Variants in PLCH2 observed in about 807,000 individuals in gnomAD.
PLCH2 encodes phospholipase C eta 2.
PLCH2 carries 98 observed loss-of-function variants against 134.7 expected under a neutral mutation model. The observed-to-expected ratio is 0.73, with a 90% CI of 0.62 to 0.86. The LOEUF is 0.86. Ranked by LOEUF, PLCH2 falls within the 40% of genes least tolerant of loss-of-function variation. PLCH2 has a pLI of 0.00. For missense variants in PLCH2, 1,994 were observed against 1,986.6 expected, an observed-to-expected ratio of 1.00 and a Z score of -0.07; for synonymous variants, 974 against 827.5, an observed-to-expected ratio of 1.18 and a Z score of -3.04.
chr1:2,475,686 G>A (rs115841256), upstream of PLCH2, among the ~76,000 whole-genome samples: 1,046 of 152,312 alleles, frequency 6.9e-3, 1 homozygote, highest in East Asian at 0.01. Context: ...CTGGGCATGG[G>A]GCCACCTCCT....
At chr1:2,459,497 C>T (rs374065220) in intron 2 of PLCH2, among the ~76,000 whole-genome samples, 50 of 58,146 alleles carry the variant, frequency 8.6e-4, no homozygotes, top group Non-Finnish European at 1.3e-3. Flanking sequence ...TCCTGGTGGT[C>T]CTCCTTCCTG....
At chr1:2,486,870 A>G in intron 5 of PLCH2, 37 bp from the exon 6 acceptor site, 1 of 1,532,892 alleles carries the variant, frequency 6.5e-7, no homozygotes, top group Non-Finnish European at 8.9e-7. Context: ...CAGGCCAGGG[A>G]TGGGCTGCCT....
rs571361529 is a variant in PLCH2, at chr1:2,489,040, C to T, written c.1236-167C>T. 2.6e-5 allele frequency among the ~76,000 whole-genome samples: 4 copies of T among 152,276 alleles called. No homozygotes were observed. The South Asian group carries it at 6.2e-4, about 24-fold the overall frequency. On this transcript the variant is annotated intron_variant, in intron 8 of 21. Coordinates refer to ENST00000378486, the MANE Select transcript of PLCH2 (RefSeq NM_014638.4). ...CTCTGTTGCTTTTCAAAGCCATTGA[C>T]GGGTGGGCCACCTCCCAGAGCTGCT...
Position 2,479,756 on chromosome 1 carries a change from G to A in PLCH2, c.294G>A (p.Glu98=), listed in dbSNP as rs759183386. ...CAGTCTCCATCGACTCCATCCAGGA[G>A]GTGAGTGAGGGGCGGCAGTCGGAGG... The part of the protein sequence containing the change: ...KAKISIDSIQ[E]VSEGRQSEVF... The change falls in exon 3 of 22, where the codon GAG becomes GAA. Residue 98 remains glutamate, a synonymous_variant. Coordinates refer to ENST00000378486, the MANE Select transcript of PLCH2 (RefSeq NM_014638.4). 5 of 1,547,988 alleles carry A rather than the reference G, an allele frequency of 3.2e-6. No individual in the cohort carries two copies. The highest frequency in any genetic ancestry group is 4.4e-6 in the Non-Finnish European group (5 of 1,144,422).
intron 1 of PLCH2, among the ~76,000 whole-genome samples, chr1:2,426,200 G>A (rs1447881981): frequency 6.6e-5 from 10 of 152,196 alleles, no homozygotes; most frequent in Non-Finnish European, 1.3e-4. Flanking sequence ...ATGTCAGCGC[G>A]GGGAAGGGAC....
rs534916216 is a variant in PLCH2 at position 2,488,599 on chromosome 1, T to C, written c.1236-608T>C. On this transcript the variant is annotated intron_variant, in intron 8 of 21. Transcript: ENST00000378486. ...ATTTTCTGAAAGAATCATGGCTGCC[T>C]TTTGGTAAAAATCCAAGTAAAACAT... Among the ~76,000 whole-genome samples, 5 of 152,366 alleles carry C rather than the reference T, an allele frequency of 3.3e-5. No individual in the cohort carries two copies. In the South Asian group the frequency reaches 1.0e-3, roughly 32 times the overall value.
Position 2,498,717 on chromosome 1 carries a change from G to A in PLCH2, c.2350-27G>A. Reference sequence around the variant, plus strand: ...CGGGCCGGGCATCGCGATGGGCCCTGATGCCACCCCCACTCCTGTGTCCCA... The same window carrying A: ...CGGGCCGGGCATCGCGATGGGCCCTAATGCCACCCCCACTCCTGTGTCCCA... On this transcript the variant is annotated intron_variant, in intron 17 of 21. Transcript: ENST00000378486. This position sits in a 1 kb window ranked among gnomAD's most constrained non-coding sequence, Gnocchi z 5.4. The A allele has an allele frequency of 6.3e-7, 1 of 1,590,604 alleles. No individual in the cohort carries two copies. The highest frequency in any genetic ancestry group is 8.6e-7 in the Non-Finnish European group (1 of 1,167,278).
At chr1:2,503,262 C>T (rs560652639) in intron 21 of PLCH2, 14 of 558,578 alleles carry the variant, frequency 2.5e-5, no homozygotes, top group East Asian at 9.5e-5. Context: ...GGGCGGCTGG[C>T]GACCTGCATG....
chr1:2,420,597 C>T, the PLCH2 span, among the ~76,000 whole-genome samples: 1 of 152,204 alleles, frequency 6.6e-6, no homozygotes, highest in Admixed American at 6.5e-5. Flanking sequence ...GGCTGGGGCA[C>T]ACTCTTTGCA....
At position 2,476,573 on chromosome 1, in the gene PLCH2, C is replaced by A. The variant is rs374921166; in HGVS notation, c.-16C>A. ...CTCTGTGGCCTCCGTGAAGCAGGCC[C>A]GGCTGTCGTCAGGCCATGTCTGGTC... On this transcript the variant is annotated 5_prime_UTR_variant, in exon 1 of 22. Coordinates refer to ENST00000378486, the MANE Select transcript of PLCH2 (RefSeq NM_014638.4). 2.7e-6 allele frequency: 4 copies of A among 1,499,552 alleles called. No individual in the cohort carries two copies. Among genetic ancestry groups the A allele is most frequent in the Middle Eastern group, 2.3e-4 (1 of 4,348 alleles). 92.9% of individuals were successfully genotyped at this position (1,499,552 alleles called of 1,614,324 possible).
chr1:2,443,867 G>A (rs1229176864), intron 2 of PLCH2, among the ~76,000 whole-genome samples: 1 of 150,236 alleles, frequency 6.7e-6, no homozygotes, highest in Non-Finnish European at 1.5e-5. Context: ...GAGCCCGGCC[G>A]CTGACTGCGC....
chr1:2,497,483 C>G lies in PLCH2; in HGVS notation c.2117-19C>G, dbSNP rs377644638. On this transcript the variant is annotated intron_variant, in intron 15 of 21. Transcript: ENST00000378486. Reference sequence around the variant, plus strand: ...GAAGGTCAGGTGCTGACCAGGGCAGCCTTGTGTCACCCTCGCAGTTGCCCT... The same window carrying G: ...GAAGGTCAGGTGCTGACCAGGGCAGGCTTGTGTCACCCTCGCAGTTGCCCT... The G allele has an allele frequency of 2.0e-6, 3 of 1,532,758 alleles. No homozygotes were observed. The highest frequency in any genetic ancestry group is 2.7e-5 in the African/African-American group (2 of 72,738). 94.9% of individuals were successfully genotyped at this position (1,532,758 alleles called of 1,614,324 possible).
In PLCH2 at chr1:2,503,985, A is replaced by T; in HGVS notation, c.3023A>T (p.Glu1008Val). The change falls in exon 22 of 22, where the codon GAG becomes GTG. Residue 1008 changes from glutamate to valine, a missense_variant. By Grantham distance (121) the Glu-to-Val change is moderately radical. Transcript: ENST00000378486. ...PPLCSLETIA[E>V]EPAPGPGPPP... is the part of the protein sequence containing the mutation. ...CTGTGCAGCCTGGAAACCATCGCTG[A>T]GGAGCCCGCCCCAGGCCCTGGTCCC... 6.6e-7 allele frequency: 1 copy of T among 1,507,382 alleles called. No homozygotes were observed. The highest frequency in any genetic ancestry group is 8.9e-7 in the Non-Finnish European group (1 of 1,117,630). The allele number at this position is 1,507,382 out of a possible 1,614,324, so 93.4% of individuals were successfully genotyped here.
chr1:2,416,456 A>C, the PLCH2 span, among the ~76,000 whole-genome samples: 5 of 152,150 alleles, frequency 3.3e-5, no homozygotes, highest in African/African-American at 7.2e-5. Flanking sequence ...AAACCAGGAG[A>C]ACGGGTTCGT....
At chr1:2,491,039 C>T (rs1399025324) in intron 10 of PLCH2, among the ~76,000 whole-genome samples, 153 bp from the exon 11 acceptor site, 3 of 152,208 alleles carry the variant, frequency 2.0e-5, no homozygotes, top group Admixed American at 6.5e-5. Context: ...CCTGGGTTCC[C>T]GTCCTGCCTG....
At position 2,502,335 on chromosome 1, in the gene PLCH2, A is replaced by G. The variant is rs1283697731; in HGVS notation, c.2885A>G (p.Asp962Gly). ...RDTGSKGVADDVVPPGPGPAP... is the reference protein window; with the variant it reads ...RDTGSKGVADGVVPPGPGPAP... ...ACAGGCTCCAAGGGGGTGGCAGACG[A>G]TGTGGTGCCCCCCGGGCCCGGACCT... The change falls in exon 21 of 22, where the codon GAT becomes GGT. Residue 962 changes from aspartate (D) to glycine (G), a missense_variant. Asp to Gly is a moderately conservative substitution (Grantham distance 94, BLOSUM62 -1). Coordinates refer to ENST00000378486, the MANE Select transcript of PLCH2 (RefSeq NM_014638.4). 6.5e-7 allele frequency: 1 copy of G among 1,535,450 alleles called. No homozygotes were observed.
At chr1:2,472,787 G>C (rs1641391047), upstream of PLCH2, among the ~76,000 whole-genome samples, 1 of 152,178 alleles carries the variant, frequency 6.6e-6, no homozygotes. Context: ...GCCTGGAAGA[G>C]GTGGGGCCCC....
At chr1:2,499,338 G>C (rs1205173343) in intron 19 of PLCH2, 108 bp downstream of exon 19, 25 of 1,295,066 alleles carry the variant, frequency 1.9e-5, no homozygotes, top group East Asian at 2.5e-5. Context: ...CCTGCACCTG[G>C]CACCAAAGAG....
chr1:2,420,776 T>G, the PLCH2 span, among the ~76,000 whole-genome samples: 27 of 152,280 alleles, frequency 1.8e-4, no homozygotes, highest in South Asian at 3.5e-3. Flanking sequence ...GAGTGAGTGA[T>G]CGATCGATTC....
Sources: gnomAD v4.1 joint callset for allele counts (sites outside exome capture counted in the v4.1 genomes callset) on GRCh38, gnomAD v4.1.1 for gene constraint, Gnocchi (gnomAD v3.1) non-coding constraint, MANE v1.5 for transcripts, NCBI Gene and HGNC (gene_info 2026-07-23, HGNC 2026-07-21) for gene names.